Variants in DNAH7 observed in about 807,000 individuals in gnomAD.
The protein encoded by DNAH7 is dynein axonemal heavy chain 7, also known as axonemal beta dynein heavy chain 7.
In DNAH7, 397 loss-of-function variants were observed where a neutral mutation model predicts 444.6. The ratio of observed to expected loss-of-function variants is 0.89; its 90% CI spans 0.82 to 0.97. The LOEUF (loss-of-function observed/expected upper bound fraction) is 0.97. Among genes scored for constraint, DNAH7 ranks in the 50% least tolerant of loss-of-function variants. The pLI, the probability that DNAH7 is intolerant of heterozygous loss-of-function variation, is 0.00. For missense variants in DNAH7, 4,902 were observed against 4,800.8 expected, an observed-to-expected ratio of 1.02 and a Z score of -0.62; for synonymous variants, 1,636 against 1,624.4, an observed-to-expected ratio of 1.01 and a Z score of -0.17.
intron 5 of DNAH7, among the ~76,000 whole-genome samples, chr2:196,033,958 C>CT (rs1260810077): frequency 4.6e-5 from 7 of 152,174 alleles, no homozygotes; most frequent in Non-Finnish European, 7.4e-5. Context: ...AAACCTACAA[C>CT]TAACATTTCA....
At chr2:195,841,029 T>G (rs1350320615) in intron 47 of DNAH7, among the ~76,000 whole-genome samples, 1 of 151,862 alleles carries the variant, frequency 6.6e-6, no homozygotes, top group Non-Finnish European at 1.5e-5. Context: ...CTTTGAGACT[T>G]AATATGCTTC....
chr2:195,835,061 T>G (rs1350054248), intron 47 of DNAH7, among the ~76,000 whole-genome samples: 1 of 152,178 alleles, frequency 6.6e-6, no homozygotes, highest in Non-Finnish European at 1.5e-5. Flanking sequence ...TTTTCTAGGG[T>G]GTAGTGAACA....
intron 63 of DNAH7, among the ~76,000 whole-genome samples, chr2:195,746,723 C>G (rs865981057): frequency 2.6e-5 from 4 of 151,894 alleles, no homozygotes; most frequent in East Asian, 1.9e-4. Flanking sequence ...CATGGAAACT[C>G]AACAACCTGC....
In DNAH7 at chr2:195,913,532, A is replaced by G. The variant is rs547095012; in HGVS notation, c.3936-3337T>C. Reference sequence around the variant, plus strand: ...CTTGGAGAATATAAAGCACAAAATAAGATGATTTAAAGAAGTCCAAATAGT... The same window carrying G: ...CTTGGAGAATATAAAGCACAAAATAGGATGATTTAAAGAAGTCCAAATAGT... On this transcript the variant is annotated intron_variant, in intron 24 of 64. Transcript: ENST00000312428. Among the ~76,000 whole-genome samples the G allele has an allele frequency of 1.2e-3, 184 of 152,358 alleles. 1 individual carries two copies. The highest frequency in any genetic ancestry group is 4.4e-3 in the African/African-American group (182 of 41,592).
chr2:195,850,027 G>C (rs937405647), intron 46 of DNAH7, among the ~76,000 whole-genome samples: 1 of 152,170 alleles, frequency 6.6e-6, no homozygotes, highest in Admixed American at 6.5e-5. Flanking sequence ...CTATGACATA[G>C]GGAAGAAGTA....
chr2:195,933,983 G>A (rs1278321810), intron 21 of DNAH7, among the ~76,000 whole-genome samples: 2 of 151,410 alleles, frequency 1.3e-5, no homozygotes, highest in African/African-American at 2.4e-5. Flanking sequence ...TTTTATTCTT[G>A]ACTAAAAACT....
chr2:196,030,852 C>T (rs1489859699), intron 5 of DNAH7, among the ~76,000 whole-genome samples: 1 of 152,206 alleles, frequency 6.6e-6, no homozygotes, highest in East Asian at 1.9e-4. Flanking sequence ...TCACTCTTGG[C>T]TGCTTTCACA....
At chr2:195,779,541 TATA>T (rs1474148735) in intron 58 of DNAH7, among the ~76,000 whole-genome samples, 8 of 152,290 alleles carry the variant, frequency 5.3e-5, no homozygotes, top group African/African-American at 1.9e-4. Context: ...TCATATGTTT[TATA>T]ATATTTGTTG....
intron 58 of DNAH7, among the ~76,000 whole-genome samples, chr2:195,786,089 G>C (rs1695607748): frequency 6.6e-6 from 1 of 152,098 alleles, no homozygotes; most frequent in Non-Finnish European, 1.5e-5. Context: ...CCAAATAAAA[G>C]ATTCTTCACA....
intron 19 of DNAH7, among the ~76,000 whole-genome samples, chr2:195,941,987 T>C (rs1433054301): frequency 3.3e-5 from 5 of 152,150 alleles, no homozygotes; most frequent in African/African-American, 1.2e-4. Context: ...TACCAAGGGC[T>C]AATACACGTT....
At chr2:195,847,059 CATATATATATATATATATCTGAT>C (rs1190507117) in intron 46 of DNAH7, among the ~76,000 whole-genome samples, 4 of 139,694 alleles carry the variant, frequency 2.9e-5, no homozygotes, top group African/African-American at 1.1e-4. Flanking sequence ...TATAAACTCC[CATATATATATATATATATCTGAT>C]ATATATATAT....
At chr2:195,891,252 T>C (rs1442705725) in intron 31 of DNAH7, among the ~76,000 whole-genome samples, 2 of 152,344 alleles carry the variant, frequency 1.3e-5, no homozygotes, top group South Asian at 2.1e-4. Flanking sequence ...TCTCTAAGCA[T>C]TGGCGTATAT....
At chr2:195,746,203 C>A (rs1281583005) in intron 63 of DNAH7, among the ~76,000 whole-genome samples, 1 of 138,774 alleles carries the variant, frequency 7.2e-6, no homozygotes, top group Non-Finnish European at 1.6e-5. Context: ...CAATCCTAGT[C>A]TCTGATAAAA....
intron 61 of DNAH7, among the ~76,000 whole-genome samples, chr2:195,767,594 A>G (rs1480671925): frequency 6.6e-6 from 1 of 151,952 alleles, no homozygotes; most frequent in Admixed American, 6.6e-5. Context: ...AAGCCAAATA[A>G]TTCACTTCTT....
intron 36 of DNAH7, among the ~76,000 whole-genome samples, chr2:195,877,820 T>G (rs1701148367): frequency 6.6e-6 from 1 of 152,208 alleles, no homozygotes; most frequent in Non-Finnish European, 1.5e-5. Context: ...AAAATTATTT[T>G]CCTTTCACAG....
intron 40 of DNAH7, among the ~76,000 whole-genome samples, 184 bp from the exon 41 acceptor site, chr2:195,865,205 A>G (rs1450859693): frequency 1.3e-5 from 2 of 152,216 alleles, no homozygotes; most frequent in East Asian, 1.9e-4. Context: ...TTTTAACTCT[A>G]TATTTAGAAT....
chr2:196,068,676 G>A (rs1575141594), intron 1 of DNAH7, 21 bp downstream of exon 1: 7 of 1,550,592 alleles, frequency 4.5e-6, no homozygotes, highest in South Asian at 1.2e-5. Context: ...CGGCGAGCCT[G>A]GCAAAGAGCA....
chr2:195,900,609 T>A (rs1559203035), intron 27 of DNAH7, 115 bp from the exon 28 acceptor site: 1 of 966,250 alleles, frequency 1.0e-6, no homozygotes, highest in African/African-American at 1.6e-5. Context: ...GTTTATCTCA[T>A]AGAAGTAGAG....
chr2:195,960,450 G>A lies in DNAH7; in HGVS notation c.2701C>T (p.Leu901Phe). ...ISEAASKEYS[L>F]EKAMEKMITE... ...ATCATCTTCTCCATCGCCTTTTCAA[G>A]AGAATATTCTTTGCTAGCTGCTTCA... Residue 901 changes from leucine (L) to phenylalanine (F), a missense_variant, in exon 18 of 65, where the codon CTT becomes TTT. Transcript: ENST00000312428. The A allele has an allele frequency of 6.2e-7, 1 of 1,614,162 alleles. No individual in the cohort carries two copies. The highest frequency in any genetic ancestry group is 8.5e-7 in the Non-Finnish European group (1 of 1,180,014).
Sources: allele counts gnomAD v4.1 joint callset (sites outside exome capture counted in the v4.1 genomes callset), GRCh38; gene constraint gnomAD v4.1.1; transcripts MANE v1.5; gene names NCBI Gene and HGNC (gene_info 2026-07-23, HGNC 2026-07-21).